The following ATP5PB variants were observed in gnomAD, a reference collection of about 807,000 sequenced individuals.
The protein encoded by ATP5PB is ATP synthase peripheral stalk subunit b, mitochondrial.
ATP5PB carries 21 observed loss-of-function variants against 34.5 expected under a neutral mutation model. The ratio of observed to expected loss-of-function variants is 0.61; its 90% confidence interval spans 0.43 to 0.88. ATP5PB has a LOEUF of 0.88. Among genes scored for constraint, ATP5PB ranks in the 40% least tolerant of loss-of-function variants. ATP5PB has a pLI of 0.00. For missense variants in ATP5PB, 293 were observed against 317.4 expected, an observed-to-expected ratio of 0.92 and a Z score of 0.58; for synonymous variants, 108 against 114.1, an observed-to-expected ratio of 0.95 and a Z score of 0.34.
chr1:111,456,775 A>T lies in ATP5PB; in HGVS notation c.513+20A>T. ...CAAAGGGTAGGTTTCAGAAGTTTCT[A>T]GGAAGAATGAAGTTACTTGTTGTGT... On this transcript the variant is annotated intron_variant, in intron 5 of 6. Transcript: ENST00000369722. 1.9e-6 allele frequency: 3 copies of T among 1,582,914 alleles called. No individual in the cohort carries two copies. Among genetic ancestry groups the T allele is most frequent in the Non-Finnish European group, 2.6e-6 (3 of 1,168,068 alleles).
In ATP5PB at chr1:111,456,080, T is replaced by G; in HGVS notation, c.224-6T>G. 4 of 1,564,486 alleles carry G rather than the reference T, an allele frequency of 2.6e-6. No individual in the cohort carries two copies. On this transcript the variant is annotated splice_region_variant and splice_polypyrimidine_tract_variant and intron_variant, in intron 3 of 6. Transcript: ENST00000369722. ...CCCTTCATAAAATAACTCTTTCTTC[T>G]TTTAGGACCCTATGTACTCGGAACT...
chr1:111,458,753 G>A (rs968066392), intron 5 of ATP5PB, among the ~76,000 whole-genome samples: 1 of 152,170 alleles, frequency 6.6e-6, no homozygotes, highest in Non-Finnish European at 1.5e-5. Context: ...GGTTAGCCAA[G>A]TAGAGATATG....
chr1:111,460,787 T>G, intron 6 of ATP5PB, 130 bp from the exon 7 acceptor site: 2 of 646,952 alleles, frequency 3.1e-6, no homozygotes, highest in Non-Finnish European at 5.5e-6. Flanking sequence ...AGTAGCTGTA[T>G]AGTGTTAAGC....
intron 3 of ATP5PB, among the ~76,000 whole-genome samples, chr1:111,455,471 GGC>G (rs1653445426): frequency 6.6e-6 from 1 of 152,108 alleles, no homozygotes; most frequent in Non-Finnish European, 1.5e-5. Flanking sequence ...CATCCTGTGA[GGC>G]GCGGAGGAAA....
intron 2 of ATP5PB, among the ~76,000 whole-genome samples, chr1:111,453,463 G>A (rs1653387021): frequency 6.6e-6 from 1 of 151,124 alleles, no homozygotes; most frequent in South Asian, 2.1e-4. Context: ...GATTGTGAGG[G>A]AACAGATGTT....
At chr1:111,449,977 A>G (rs1653268144) in intron 2 of ATP5PB, 104 bp downstream of exon 2, 1 of 1,480,932 alleles carries the variant, frequency 6.8e-7, no homozygotes. Flanking sequence ...TTTCTTTCCG[A>G]TAATTTTGGG....
chr1:111,459,162 A>G (rs964571209), intron 5 of ATP5PB, among the ~76,000 whole-genome samples: 5 of 152,164 alleles, frequency 3.3e-5, no homozygotes, highest in African/African-American at 7.2e-5. Context: ...GTATATGCCT[A>G]TATTTTGATG....
intron 2 of ATP5PB, among the ~76,000 whole-genome samples, chr1:111,453,174 A>T (rs1304672575): frequency 5.3e-5 from 8 of 152,310 alleles, no homozygotes; most frequent in Admixed American, 2.0e-4. Flanking sequence ...ATATAAAGGG[A>T]CTAGATTTTA....
In ATP5PB at chr1:111,462,534, A is replaced by G. The variant is rs1185192527; in HGVS notation, c.*1540A>G. The G allele has an allele frequency of 6.6e-6, 1 of 152,250 alleles. No individual in the cohort carries two copies. The highest frequency in any genetic ancestry group is 1.5e-5 in the Non-Finnish European group (1 of 68,038). 9.4% of individuals were successfully genotyped at this position (152,250 alleles called of 1,614,324 possible). A position where few individuals can be genotyped will look rare whatever the true frequency, so the allele number is the denominator to read the frequency against. On this transcript the variant is annotated 3_prime_UTR_variant, in exon 7 of 7. Transcript: ENST00000369722. ...GCATTTGATTCTCCCATACTTGTAC[A>G]AGGATTTATTTGTATTCAAATGGAC...
rs184783246 is a variant in ATP5PB at position 111,452,546 on chromosome 1, G to A, written c.78-1665G>A. ...AGATCATGCCACTGTGCTCCCGCCT[G>A]GGTGATAGGGCAAGATTCTGTCTCA... On this transcript the variant is annotated intron_variant, in intron 2 of 6. Transcript: ENST00000369722. 1.3e-3 allele frequency among the ~76,000 whole-genome samples: 204 copies of A among 152,340 alleles called. 1 individual carries two copies. Among genetic ancestry groups the A allele is most frequent in the African/African-American group, 4.5e-3 (189 of 41,560 alleles).
chr1:111,460,965 A>G lies in ATP5PB; in HGVS notation c.742A>G (p.Lys248Glu), dbSNP rs961666292. The G allele has an allele frequency of 6.2e-7, 1 of 1,612,918 alleles. No homozygotes were observed. Among genetic ancestry groups the G allele is most frequent in the Non-Finnish European group, 8.5e-7 (1 of 1,179,782 alleles). Residue 248 changes from lysine (K) to glutamate (E), a missense_variant, in exon 7 of 7, where the codon AAG becomes GAG. Coordinates refer to ENST00000369722, the MANE Select transcript of ATP5PB (RefSeq NM_001688.5). Reference sequence around the variant, plus strand: ...CATTGCGGACCTAAAGCTGCTGGCAAAGAAGGCTCAAGCACAGCCAGTTAT... The same window carrying G: ...CATTGCGGACCTAAAGCTGCTGGCAGAGAAGGCTCAAGCACAGCCAGTTAT... ...KCIADLKLLA[K>E]KAQAQPVM
At chr1:111,453,704 G>A (rs993931280) in intron 2 of ATP5PB, among the ~76,000 whole-genome samples, 3 of 152,174 alleles carry the variant, frequency 2.0e-5, no homozygotes, top group Non-Finnish European at 2.9e-5. Flanking sequence ...AACCACTTAC[G>A]TAGAACTTTT....
At chr1:111,455,995 C>A in intron 3 of ATP5PB, 91 bp from the exon 4 acceptor site, 2 of 1,149,722 alleles carry the variant, frequency 1.7e-6, no homozygotes, top group South Asian at 2.1e-5. Flanking sequence ...CATTACTTTG[C>A]CTTCAGCTAA....
rs535193343 is a variant in ATP5PB at position 111,457,804 on chromosome 1, A to G, written c.513+1049A>G. On this transcript the variant is annotated intron_variant, in intron 5 of 6. Transcript: ENST00000369722. ...TCCCTAAAGACTCTTAAGCACATGGATATTTGAAAATCTCAGAAAATGTTA... is the reference window on the plus strand; with the variant it reads ...TCCCTAAAGACTCTTAAGCACATGGGTATTTGAAAATCTCAGAAAATGTTA... 7.2e-5 allele frequency among the ~76,000 whole-genome samples: 11 copies of G among 152,320 alleles called. No individual in the cohort carries two copies. The East Asian group carries it at 2.1e-3, about 29-fold the overall frequency.
At chr1:111,457,312 A>ACACACACACACACACACAC (rs1653500621) in intron 5 of ATP5PB, among the ~76,000 whole-genome samples, 1 of 146,718 alleles carries the variant, frequency 6.8e-6, no homozygotes, top group African/African-American at 2.5e-5. Context: ...GACTCTCTCA[A>ACACACACACACACACACAC]ACACACACAC....
Position 111,449,852 on chromosome 1 carries a change from A to G in ATP5PB, c.56A>G (p.Asn19Ser). 1 of 1,614,180 alleles carries G rather than the reference A, an allele frequency of 6.2e-7. No individual in the cohort carries two copies. The highest frequency in any genetic ancestry group is 1.3e-5 in the African/African-American group (1 of 75,032). Residue 19 changes from asparagine to serine, a missense_variant, in exon 2 of 7, where the codon AAT becomes AGT. Physicochemically the swap from Asn to Ser is conservative, Grantham distance 46. Coordinates refer to ENST00000369722, the MANE Select transcript of ATP5PB (RefSeq NM_001688.5). The stretch of plus-strand genomic sequence containing the variant: ...CTATCTGCAGCCCCCTCTCTGAAGA[A>G]TGCAGCCTTCCTAGGTCCAGGGTAA... ...AAATAAPSLK[N>S]AAFLGPGVLQ...
Position 111,459,475 on chromosome 1 carries a change from T to C in ATP5PB, c.532T>C (p.Leu178=). The change falls in exon 6 of 7, where the codon TTG becomes CTG. Residue 178 remains leucine, a synonymous_variant. Coordinates refer to ENST00000369722, the MANE Select transcript of ATP5PB (RefSeq NM_001688.5). ...DVQRNNIAMA[L]EVTYRERLYR... Reference sequence around the variant, plus strand: ...GCCCCAGAATAACATTGCTATGGCTTTGGAAGTTACTTACCGGGAACGACT... The same window carrying C: ...GCCCCAGAATAACATTGCTATGGCTCTGGAAGTTACTTACCGGGAACGACT... The C allele has an allele frequency of 6.2e-7, 1 of 1,608,776 alleles. No homozygotes were observed. The highest frequency in any genetic ancestry group is 1.1e-5 in the South Asian group (1 of 90,152).
In ATP5PB at chr1:111,457,312, A is replaced by AACACACACACACACACAC. The variant is rs111663185; in HGVS notation, c.513+569_513+586dup. 3.7e-3 allele frequency among the ~76,000 whole-genome samples: 542 copies of AACACACACACACACACAC among 146,802 alleles called. 1 individual carries two copies. The highest frequency in any genetic ancestry group is 0.013 in the African/African-American group (501 of 39,350). The stretch of plus-strand genomic sequence containing the variant: ...TAGGCAACAGAGCAAGACTCTCTCA[A>AACACACACACACACACAC]ACACACACACACACACACACACACA... On this transcript the variant is annotated intron_variant, in intron 5 of 6. Coordinates refer to ENST00000369722, the MANE Select transcript of ATP5PB (RefSeq NM_001688.5).
chr1:111,451,493 C>A (rs1490324149), intron 2 of ATP5PB, among the ~76,000 whole-genome samples: 2 of 152,186 alleles, frequency 1.3e-5, no homozygotes, highest in Non-Finnish European at 2.9e-5. Flanking sequence ...CATACCCCCA[C>A]TAGAATGTTG....
Sources: gnomAD v4.1 joint callset for allele counts (sites outside exome capture counted in the v4.1 genomes callset) on GRCh38, gnomAD v4.1.1 for gene constraint, MANE v1.5 for transcripts, NCBI Gene and HGNC (gene_info 2026-07-23, HGNC 2026-07-21) for gene names.